SPIRE1: variants seen among roughly 807,000 people sequenced by gnomAD.
The protein encoded by SPIRE1 is protein spire homolog 1.
In SPIRE1, 40 loss-of-function variants were observed where a neutral mutation model predicts 94.1. That is an observed-to-expected ratio of 0.43 (90% CI 0.33 to 0.55). SPIRE1 has a LOEUF of 0.55. Among genes scored for constraint, SPIRE1 ranks in the 20% least tolerant of loss-of-function variants. The pLI is 0.06. For synonymous variants in SPIRE1, 376 were observed against 371.7 expected, an observed-to-expected ratio of 1.01 and a Z score of -0.13; for missense variants, 838 against 975.2, an observed-to-expected ratio of 0.86 and a Z score of 1.87.
At chr18:12,595,321 C>T (rs1406633161) in intron 2 of SPIRE1, among the ~76,000 whole-genome samples, 1 of 149,212 alleles carries the variant, frequency 6.7e-6, no homozygotes, top group African/African-American at 2.6e-5. Context: ...ATAATAATAA[C>T]AATAATACAG....
At chr18:12,609,939 C>T (rs1247980450) in intron 2 of SPIRE1, among the ~76,000 whole-genome samples, 1 of 152,064 alleles carries the variant, frequency 6.6e-6, no homozygotes, top group Non-Finnish European at 1.5e-5. Flanking sequence ...CCAGACTAAA[C>T]CTGAATCTCC....
chr18:12,513,139 C>A (rs543047870), intron 4 of SPIRE1, among the ~76,000 whole-genome samples: 1 of 152,146 alleles, frequency 6.6e-6, no homozygotes, highest in African/African-American at 2.4e-5. Flanking sequence ...TCTTCAGAGG[C>A]CACACAAGCA....
chr18:12,470,213 A>AG (rs2032296868), intron 10 of SPIRE1, among the ~76,000 whole-genome samples: 1 of 152,070 alleles, frequency 6.6e-6, no homozygotes, highest in African/African-American at 2.4e-5. Flanking sequence ...CTCCAAAAGT[A>AG]CTAGGATTAC....
Position 12,506,492 on chromosome 18 carries a change from G to T in SPIRE1, c.957C>A (p.Thr319=), listed in dbSNP as rs748439281. The change falls in exon 6 of 17, where the codon ACC becomes ACA. Residue 319 remains threonine, a synonymous_variant. Transcript: ENST00000409402. ...LMDDIRCKRY[T]LRKVMVNGDI... ...GGTTACTTACCATCACTTTTCGCAA[G>T]GTGTATCTTTTGCAGCGAATGTCAT... 8 of 1,613,926 alleles carry T rather than the reference G, an allele frequency of 5.0e-6. No homozygotes were observed. The East Asian group carries it at 1.6e-4, about 31-fold the overall frequency.
At chr18:12,629,720 C>G (rs1211014548) in intron 2 of SPIRE1, among the ~76,000 whole-genome samples, 1 of 151,916 alleles carries the variant, frequency 6.6e-6, no homozygotes, top group Non-Finnish European at 1.5e-5. Flanking sequence ...CTTGTCAAAA[C>G]TCAAAGAATT....
Position 12,559,871 on chromosome 18 carries a change from A to G in SPIRE1, c.373-12967T>C, listed in dbSNP as rs988053674. Among the ~76,000 whole-genome samples the G allele has an allele frequency of 1.3e-5, 2 of 152,230 alleles. No homozygotes were observed. Among genetic ancestry groups the G allele is most frequent in the African/African-American group, 4.8e-5 (2 of 41,466 alleles). ...TCTGACAAGGGGTAATAACCACAAT[A>G]TATAAGGACCTCAAACAATTCTATA... On this transcript the variant is annotated intron_variant, in intron 2 of 16. Transcript: ENST00000409402. The surrounding 1 kb of genome is among the most constrained non-coding windows in gnomAD (Gnocchi z 4.7).
chr18:12,534,626 C>A (rs1192759719), intron 4 of SPIRE1, among the ~76,000 whole-genome samples: 4 of 152,124 alleles, frequency 2.6e-5, no homozygotes, highest in Non-Finnish European at 5.9e-5. Context: ...CTGGGATATA[C>A]TTTTCTTCTC....
intron 2 of SPIRE1, among the ~76,000 whole-genome samples, chr18:12,601,706 T>A (rs1961023462): frequency 6.6e-6 from 1 of 152,124 alleles, no homozygotes; most frequent in Non-Finnish European, 1.5e-5. Flanking sequence ...TTCTGGACAT[T>A]TTATATAAAT....
chr18:12,485,315 C>T (rs957591033), intron 9 of SPIRE1, among the ~76,000 whole-genome samples: 8 of 152,062 alleles, frequency 5.3e-5, no homozygotes, highest in Non-Finnish European at 1.0e-4. Flanking sequence ...CCGTGTTAGC[C>T]AGGATGGTCT....
At chr18:12,579,574 T>A (rs998368308) in intron 2 of SPIRE1, among the ~76,000 whole-genome samples, 12 of 152,172 alleles carry the variant, frequency 7.9e-5, no homozygotes, top group African/African-American at 2.7e-4. Context: ...TGGCAATGGT[T>A]ATATAGCAAA....
intron 4 of SPIRE1, among the ~76,000 whole-genome samples, chr18:12,524,668 GA>G (rs2034452523): frequency 2.0e-5 from 3 of 152,242 alleles, no homozygotes; most frequent in African/African-American, 7.2e-5. Flanking sequence ...GAATTGTGCA[GA>G]ATTACACATT....
At chr18:12,557,409 C>T (rs562484545) in intron 2 of SPIRE1, among the ~76,000 whole-genome samples, 2 of 152,326 alleles carry the variant, frequency 1.3e-5, no homozygotes, top group South Asian at 4.1e-4. Flanking sequence ...CCCCTCACTG[C>T]CCAGGGCCGT....
chr18:12,621,268 C>CA (rs1360852831), intron 2 of SPIRE1, among the ~76,000 whole-genome samples: 1 of 152,176 alleles, frequency 6.6e-6, no homozygotes, highest in Non-Finnish European at 1.5e-5. Context: ...AACCCTTATA[C>CA]ACTGAGATGT....
chr18:12,559,296 G>C lies in SPIRE1; in HGVS notation c.373-12392C>G, dbSNP rs188458779. Among the ~76,000 whole-genome samples, 2 of 152,284 alleles carry C rather than the reference G, an allele frequency of 1.3e-5. No homozygotes were observed. The highest frequency in any genetic ancestry group is 4.8e-5 in the African/African-American group (2 of 41,574). On this transcript the variant is annotated intron_variant, in intron 2 of 16. Transcript: ENST00000409402. The surrounding 1 kb of genome is among the most constrained non-coding windows in gnomAD (Gnocchi z 4.7). ...CAGTGCAGGCGGGCCAGCAGTGCTG[G>C]GGGACCCAGCGCACCCTCCACAGCT... is the stretch of plus-strand genomic sequence containing the variant.
At position 12,647,226 on chromosome 18, in the gene SPIRE1, C is replaced by T. The variant is rs1242770100; in HGVS notation, c.337+10304G>A. On this transcript the variant is annotated intron_variant, in intron 1 of 16. Coordinates refer to ENST00000409402, the MANE Select transcript of SPIRE1 (RefSeq NM_001128626.2). ...ATTTTAAAAGTTTGTGAGATACAAT[C>T]ACTTTGGAAAATTTCTGGCAATATC... Among the ~76,000 whole-genome samples, 11 of 152,112 alleles carry T rather than the reference C, an allele frequency of 7.2e-5. 1 individual carries two copies. Among genetic ancestry groups the T allele is most frequent in the Admixed American group, 5.9e-4 (9 of 15,270 alleles).
intron 2 of SPIRE1, among the ~76,000 whole-genome samples, chr18:12,608,157 CAA>C (rs11390238): frequency 1.4e-4 from 18 of 129,062 alleles, no homozygotes; most frequent in Non-Finnish European, 1.8e-4. Flanking sequence ...GACTCCATCT[CAA>C]AAAAAAAAAA....
Position 12,559,256 on chromosome 18 carries a change from G to T in SPIRE1, c.373-12352C>A, listed in dbSNP as rs1200552247. 6.6e-6 allele frequency among the ~76,000 whole-genome samples: 1 copy of T among 152,196 alleles called. No individual in the cohort carries two copies. The highest frequency in any genetic ancestry group is 6.5e-5 in the Admixed American group (1 of 15,294). ...CCCGCAGGGAGGCAGCTGAGGCCTA[G>T]TGAGAATTCGAGCACAGTGCAGGCG... is the stretch of plus-strand genomic sequence containing the variant. On this transcript the variant is annotated intron_variant, in intron 2 of 16. Coordinates refer to ENST00000409402, the MANE Select transcript of SPIRE1 (RefSeq NM_001128626.2). This position sits in a 1 kb window ranked among gnomAD's most constrained non-coding sequence, Gnocchi z 4.7.
In SPIRE1 at chr18:12,621,533, G is replaced by A. The variant is rs141751848; in HGVS notation, c.372+13529C>T. 2.5e-3 allele frequency among the ~76,000 whole-genome samples: 377 copies of A among 152,242 alleles called. 3 individuals carry two copies. The highest frequency in any genetic ancestry group is 0.014 in the South Asian group (69 of 4,828). On this transcript the variant is annotated intron_variant, in intron 2 of 16. Transcript: ENST00000409402. ...GTATATCCATACTATGGAATATTTG[G>A]CAATAAAAAGGAATAAAGTACTGAT...
chr18:12,573,188 A>G (rs2036001062), intron 2 of SPIRE1, among the ~76,000 whole-genome samples: 1 of 152,260 alleles, frequency 6.6e-6, no homozygotes, highest in Non-Finnish European at 1.5e-5. Flanking sequence ...ATGTGAATGT[A>G]CACCTCACCA....
Sources: allele counts gnomAD v4.1 joint callset (sites outside exome capture counted in the v4.1 genomes callset), GRCh38; gene constraint gnomAD v4.1.1; non-coding constraint Gnocchi (gnomAD v3.1); transcripts MANE v1.5; gene names NCBI Gene and HGNC (gene_info 2026-07-23, HGNC 2026-07-21).